The following ARHGAP15 variants were observed in gnomAD, a reference collection of about 807,000 sequenced individuals.
ARHGAP15 encodes the protein Rho GTPase activating protein 15, also known as rho GTPase-activating protein 15.
A neutral mutation model predicts 63.7 loss-of-function variants in ARHGAP15; 51 were observed. The ratio of observed to expected loss-of-function variants is 0.80; its 90% CI spans 0.64 to 1.01. The LOEUF is 1.01. Ranked by LOEUF, ARHGAP15 falls within the 50% of genes least tolerant of loss-of-function variation. The pLI, the probability that ARHGAP15 is intolerant of heterozygous loss-of-function variation, is 0.00. For synonymous variants in ARHGAP15, 191 were observed against 193.8 expected (o/e 0.99, Z 0.12); for missense variants, 560 against 564.6 (o/e 0.99, Z 0.08).
At chr2:143,329,906 G>T (rs764336516) in intron 6 of ARHGAP15, among the ~76,000 whole-genome samples, 3 of 128,992 alleles carry the variant, frequency 2.3e-5, no homozygotes, top group African/African-American at 9.1e-5. Context: ...TTGCCCCCCT[G>T]CCCTCCAACC....
At position 143,222,658 on chromosome 2, in the gene ARHGAP15, AGTTTTTGTTTTT is replaced by A. The variant is rs567656833; in HGVS notation, c.297-5911_297-5900del. ...GAATGCCAAGCTGATGGCTTTGTTGAGTTTTTGTTTTTGTTTTTGTTTTGGGGGTGTTTTGTT... is the reference window on the plus strand; with the variant it reads ...GAATGCCAAGCTGATGGCTTTGTTGAGTTTTTGTTTTGGGGGTGTTTTGTT... On this transcript the variant is annotated intron_variant, in intron 4 of 13. Transcript: ENST00000295095. Among the ~76,000 whole-genome samples the A allele has an allele frequency of 2.4e-4, 36 of 151,406 alleles. No homozygotes were observed. In the South Asian group the frequency reaches 5.0e-3, roughly 21 times the overall value.
intron 6 of ARHGAP15, among the ~76,000 whole-genome samples, chr2:143,322,098 C>T (rs1461004408): frequency 6.6e-6 from 1 of 152,012 alleles, no homozygotes; most frequent in East Asian, 1.9e-4. Flanking sequence ...CTGCACATAC[C>T]CAGTGTTCTT....
intron 12 of ARHGAP15, among the ~76,000 whole-genome samples, chr2:143,647,693 G>A (rs534065394): frequency 3.0e-4 from 46 of 152,000 alleles, no homozygotes; most frequent in African/African-American, 9.4e-4. Flanking sequence ...TATTCTGTCC[G>A]TCAGAGCTCT....
At chr2:143,430,463 G>C (rs545576427) in intron 6 of ARHGAP15, among the ~76,000 whole-genome samples, 1 of 152,120 alleles carries the variant, frequency 6.6e-6, no homozygotes, top group South Asian at 2.1e-4. Context: ...TTGAGACCAA[G>C]TAATTTAGCT....
chr2:143,268,914 A>T, intron 6 of ARHGAP15, among the ~76,000 whole-genome samples: 1 of 152,098 alleles, frequency 6.6e-6, no homozygotes, highest in East Asian at 1.9e-4. Context: ...AAAGGGAAAG[A>T]CCCTATTGTA....
In ARHGAP15 at chr2:143,337,715, C is replaced by T. The variant is rs536174269; in HGVS notation, c.474+87115C>T. On this transcript the variant is annotated intron_variant, in intron 6 of 13. Coordinates refer to ENST00000295095, the MANE Select transcript of ARHGAP15 (RefSeq NM_018460.4). ...ATAACTCCAGGTCAACTAAATTCAG[C>T]AATGACTGGCAAAATATCAAACATA... is the stretch of plus-strand genomic sequence containing the variant. Among the ~76,000 whole-genome samples, 10 of 152,144 alleles carry T rather than the reference C, an allele frequency of 6.6e-5. No individual in the cohort carries two copies. In the South Asian group the frequency reaches 1.9e-3, roughly 28 times the overall value.
At chr2:143,364,146 A>G (rs1214405148) in intron 6 of ARHGAP15, among the ~76,000 whole-genome samples, 3 of 152,078 alleles carry the variant, frequency 2.0e-5, no homozygotes, top group East Asian at 3.9e-4. Context: ...ATTTTTCCCC[A>G]TCGCAATAAG....
At chr2:143,386,911 A>G (rs551957751) in intron 6 of ARHGAP15, among the ~76,000 whole-genome samples, 1 of 152,024 alleles carries the variant, frequency 6.6e-6, no homozygotes, top group Non-Finnish European at 1.5e-5. Flanking sequence ...GGAACAGAAA[A>G]CCAAATACTG....
chr2:143,738,130 T>C (rs1685825745), intron 13 of ARHGAP15, among the ~76,000 whole-genome samples: 1 of 152,254 alleles, frequency 6.6e-6, no homozygotes, highest in African/African-American at 2.4e-5. Context: ...TGGTGGGGGA[T>C]TCATGATGCC....
intron 6 of ARHGAP15, among the ~76,000 whole-genome samples, chr2:143,293,588 GTGT>G (rs1558871788): frequency 6.6e-6 from 1 of 151,948 alleles, no homozygotes; most frequent in African/African-American, 2.4e-5. Context: ...ACTGACTTTG[GTGT>G]CTTAAACCAC....
At chr2:143,210,838 A>T (rs1473252368) in intron 3 of ARHGAP15, among the ~76,000 whole-genome samples, 1 of 151,934 alleles carries the variant, frequency 6.6e-6, no homozygotes, top group Non-Finnish European at 1.5e-5. Context: ...CTTTTCTTCT[A>T]CTCTTCTTCA....
chr2:143,625,560 G>A (rs1299032105), intron 12 of ARHGAP15, among the ~76,000 whole-genome samples: 3 of 152,026 alleles, frequency 2.0e-5, no homozygotes, highest in East Asian at 1.9e-4. Context: ...ATCCCTTGTC[G>A]TGACTTCATC....
Position 143,476,348 on chromosome 2 carries a change from A to T in ARHGAP15, c.704-11025A>T, listed in dbSNP as rs570961748. ...ATTGTGAGAATGCTCTTTGTTATGT[A>T]AGAGTACTGTTTCAGTAAGAACTGT... On this transcript the variant is annotated intron_variant, in intron 8 of 13. Transcript: ENST00000295095. Among the ~76,000 whole-genome samples, 90 of 152,348 alleles carry T rather than the reference A, an allele frequency of 5.9e-4. 2 individuals carry two copies. The highest frequency in any genetic ancestry group is 3.4e-3 in the Middle Eastern group (1 of 294).
chr2:143,542,679 TATG>T (rs1228221299), intron 10 of ARHGAP15, among the ~76,000 whole-genome samples: 33 of 134,134 alleles, frequency 2.5e-4, no homozygotes, highest in East Asian at 8.6e-4. Context: ...ATATATATGA[TATG>T]ATATATAGTA....
At chr2:143,510,018 T>TAAAAAAAAAAAAAAAAAAAAAAAAAAAA (rs35469918) in intron 9 of ARHGAP15, among the ~76,000 whole-genome samples, 2 of 48,808 alleles carry the variant, frequency 4.1e-5, no homozygotes, top group South Asian at 1.5e-3. Context: ...GACTCCCTCT[T>TAAAAAAAAAAAAAAAAAAAAAAAAAAAA]AAAAAAAAAA....
intron 11 of ARHGAP15, among the ~76,000 whole-genome samples, chr2:143,610,318 T>C (rs1333172738): frequency 6.6e-6 from 1 of 152,150 alleles, no homozygotes; most frequent in Non-Finnish European, 1.5e-5. Flanking sequence ...TAAAAATAGC[T>C]CTGTTCATTA....
At chr2:143,526,150 A>G (rs1165132059) in intron 10 of ARHGAP15, among the ~76,000 whole-genome samples, 1 of 151,516 alleles carries the variant, frequency 6.6e-6, no homozygotes, top group Non-Finnish European at 1.5e-5. Flanking sequence ...AGTGACATTT[A>G]ACAGAGTTTA....
intron 8 of ARHGAP15, among the ~76,000 whole-genome samples, chr2:143,439,892 CAA>C (rs1558972845): frequency 6.6e-6 from 1 of 151,948 alleles, no homozygotes; most frequent in Non-Finnish European, 1.5e-5. Flanking sequence ...AATCAGGACC[CAA>C]AAACTTATTG....
chr2:143,282,695 G>C (rs535463675), intron 6 of ARHGAP15, among the ~76,000 whole-genome samples: 7 of 152,208 alleles, frequency 4.6e-5, no homozygotes, highest in Admixed American at 4.6e-4. Context: ...TTAAACGTGA[G>C]AAAACTGGGA....
Sources: gnomAD v4.1 joint callset for allele counts (sites outside exome capture counted in the v4.1 genomes callset) on GRCh38, gnomAD v4.1.1 for gene constraint, MANE v1.5 for transcripts, NCBI Gene and HGNC (gene_info 2026-07-23, HGNC 2026-07-21) for gene names.